The following POF1B variants were observed in gnomAD, a reference collection of about 807,000 sequenced individuals.
The protein encoded by POF1B is protein POF1B.
POF1B carries 53 observed loss-of-function variants against 55.3 expected under a neutral mutation model. The ratio of observed to expected loss-of-function variants is 0.96; its 90% confidence interval spans 0.77 to 1.20. The LOEUF is 1.20. Among genes scored for constraint, POF1B ranks in the 50% most tolerant of loss-of-function variants. The pLI is 0.00. For synonymous variants in POF1B, 188 were observed against 148.3 expected, an observed-to-expected ratio of 1.27 and a Z score of -1.95; for missense variants, 478 against 420.5, an observed-to-expected ratio of 1.14 and a Z score of -1.20.
intron 3 of POF1B, among the ~76,000 whole-genome samples, chrX:85,360,527 G>GTATGTATGTATA (rs1392775604): frequency 1.2e-4 from 7 of 58,520 alleles, no homozygotes; most frequent in African/African-American, 6.3e-4. Context: ...TCCATGGTAT[G>GTATGTATGTATA]TATATATATA....
intron 4 of POF1B, 47 bp from the exon 5 acceptor site, chrX:85,351,498 C>A (rs761448784): frequency 1.0e-6 from 1 of 981,932 alleles, no homozygotes; most frequent in South Asian, 2.1e-5. Flanking sequence ...GTTGTCTTTT[C>A]AGAGTAACCT....
rs182533700 is a variant in POF1B, at chrX:85,347,787, A to T, written c.541-1745T>A. 2.7e-5 allele frequency among the ~76,000 whole-genome samples: 3 copies of T among 111,407 alleles called. No individual in the cohort carries two copies. The East Asian group carries it at 8.5e-4, about 32-fold the overall frequency. ...TCTCTAGACTCTTTTCAAATAGCAC[A>T]CTTTGTACATACACTAGCACTAAAA... On this transcript the variant is annotated intron_variant, in intron 5 of 16. Transcript: ENST00000262753.
intron 15 of POF1B, among the ~76,000 whole-genome samples, chrX:85,289,219 GCATATCA>G (rs1932126542): frequency 9.0e-6 from 1 of 111,570 alleles, no homozygotes; most frequent in Admixed American, 9.5e-5. Context: ...AGAAATGAAA[GCATATCA>G]CAAGCTGGAC....
At chrX:85,363,400 T>G (rs1442521681) in intron 3 of POF1B, among the ~76,000 whole-genome samples, 2 of 111,508 alleles carry the variant, frequency 1.8e-5, no homozygotes, top group Non-Finnish European at 3.8e-5. Flanking sequence ...TAAATTTCCC[T>G]CTTAACACTG....
chrX:85,305,391 T>C (rs1433496204), intron 13 of POF1B, among the ~76,000 whole-genome samples: 1 of 110,804 alleles, frequency 9.0e-6, no homozygotes, highest in Non-Finnish European at 1.9e-5. Flanking sequence ...AAGTCCTTGC[T>C]ATTCATCATC....
intron 7 of POF1B, among the ~76,000 whole-genome samples, chrX:85,318,002 A>G (rs945580460): frequency 4.5e-5 from 5 of 111,639 alleles, no homozygotes; most frequent in Non-Finnish European, 9.4e-5. Flanking sequence ...TCTCACTTAC[A>G]AGTGGGAGCT....
chrX:85,321,101 C>A (rs1423378861), intron 7 of POF1B, among the ~76,000 whole-genome samples: 1 of 111,846 alleles, frequency 8.9e-6, no homozygotes, highest in Non-Finnish European at 1.9e-5. Context: ...ATGAGGCCAA[C>A]ATCATCCTGA....
chrX:85,317,566 A>G (rs910827869), intron 7 of POF1B, among the ~76,000 whole-genome samples: 25 of 110,443 alleles, frequency 2.3e-4, no homozygotes, highest in African/African-American at 7.6e-4. Flanking sequence ...AGCCACATCT[A>G]TGTCTTCTTT....
intron 4 of POF1B, among the ~76,000 whole-genome samples, 178 bp from the exon 5 acceptor site, chrX:85,351,629 C>T (rs1179191657): frequency 9.1e-6 from 1 of 110,451 alleles, no homozygotes; most frequent in Non-Finnish European, 1.9e-5. Flanking sequence ...AAGGTAGTTC[C>T]CTTTATCAAA....
intron 6 of POF1B, among the ~76,000 whole-genome samples, chrX:85,342,848 T>C (rs1933197400): frequency 9.0e-6 from 1 of 111,149 alleles, no homozygotes; most frequent in Admixed American, 9.6e-5. Context: ...GTGGGAGAAC[T>C]CCCTCCTTTG....
At chrX:85,329,209 T>C (rs1932937909) in intron 7 of POF1B, among the ~76,000 whole-genome samples, 1 of 111,796 alleles carries the variant, frequency 8.9e-6, no homozygotes, top group South Asian at 3.7e-4. Flanking sequence ...GCCTGGCACA[T>C]GGTGGATGCT....
intron 7 of POF1B, among the ~76,000 whole-genome samples, chrX:85,322,687 T>C (rs960928650): frequency 4.5e-5 from 5 of 111,160 alleles, no homozygotes; most frequent in Non-Finnish European, 9.4e-5. Context: ...ATTTTTGCAA[T>C]CTACTCATCT....
intron 2 of POF1B, among the ~76,000 whole-genome samples, chrX:85,370,122 A>T (rs748775049): frequency 7.1e-5 from 8 of 112,408 alleles, no homozygotes; most frequent in Non-Finnish European, 1.3e-4. Context: ...AATTTAAACA[A>T]ATAGGAATAC....
At chrX:85,320,355 G>A (rs981071368) in intron 7 of POF1B, among the ~76,000 whole-genome samples, 1 of 110,446 alleles carries the variant, frequency 9.1e-6, no homozygotes, top group East Asian at 2.9e-4. Context: ...GGTACATAAC[G>A]AAATGAAGGC....
At chrX:85,345,838 G>A (rs1428827137) in intron 6 of POF1B, 22 bp downstream of exon 6, 3 of 1,160,043 alleles carry the variant, frequency 2.6e-6, no homozygotes, top group African/African-American at 3.6e-5. Flanking sequence ...AGTTTGTTAA[G>A]GAATCAGCTG....
chrX:85,289,093 T>C (rs768120120), intron 15 of POF1B, among the ~76,000 whole-genome samples: 5 of 110,481 alleles, frequency 4.5e-5, no homozygotes, highest in Non-Finnish European at 9.5e-5. Flanking sequence ...TGAAGATAAA[T>C]AGGGAAAGAG....
At chrX:85,279,501 GA>G (rs1460298580) in intron 16 of POF1B, 75 bp from the exon 17 acceptor site, 124 of 1,016,283 alleles carry the variant, frequency 1.2e-4, no homozygotes, top group Non-Finnish European at 1.6e-4. Flanking sequence ...CAAAGTTATG[GA>G]AAATTATTTA....
chrX:85,318,102 G>T (rs895142568), intron 7 of POF1B, among the ~76,000 whole-genome samples: 1 of 111,143 alleles, frequency 9.0e-6, no homozygotes, highest in East Asian at 2.8e-4. Context: ...AAGAGGATCA[G>T]GAAAAATAAC....
chrX:85,283,442 G>A (rs1931955086), intron 15 of POF1B, among the ~76,000 whole-genome samples: 1 of 109,792 alleles, frequency 9.1e-6, no homozygotes, highest in African/African-American at 3.3e-5. Context: ...AAATTAGGTG[G>A]AGTTAACAGC....
Sources: gnomAD v4.1 joint callset for allele counts (sites outside exome capture counted in the v4.1 genomes callset) on GRCh38, gnomAD v4.1.1 for gene constraint, MANE v1.5 for transcripts, NCBI Gene and HGNC (gene_info 2026-07-23, HGNC 2026-07-21) for gene names.